ZFP69B: variants seen among roughly 807,000 people sequenced by gnomAD.
ZFP69B encodes zinc finger protein 69 homolog B.
ZFP69B carries 20 observed loss-of-function variants against 19.7 expected under a neutral mutation model. The observed-to-expected ratio is 1.02, with a 90% CI of 0.71 to 1.48. ZFP69B has a LOEUF of 1.48. Ranked by LOEUF, ZFP69B falls within the 40% of genes most tolerant of loss-of-function variation. The pLI is 0.00. For synonymous variants in ZFP69B, 220 were observed against 222.7 expected, an observed-to-expected ratio of 0.99 and a Z score of 0.11; for missense variants, 583 against 632.6, an observed-to-expected ratio of 0.92 and a Z score of 0.84.
rs116091241 is a variant in ZFP69B at position 40,462,736 on chromosome 1, G to A, written c.752G>A (p.Arg251His). Residue 251 changes from arginine (R) to histidine (H), a missense_variant, in exon 5 of 5, where the codon CGT (arginine) becomes CAT (histidine). Arg to His is a conservative substitution (Grantham distance 29, BLOSUM62 0). Coordinates refer to ENST00000361584, the MANE Select transcript of ZFP69B (RefSeq NM_023070.3). Reference sequence around the variant, plus strand: ...ATAGGTCTTCCAAGAAAAAGAGATCGTAAATATGACACACCTGGAAAGAGA... The same window carrying A: ...ATAGGTCTTCCAAGAAAAAGAGATCATAAATATGACACACCTGGAAAGAGA... ...GPIGLPRKRD[R>H]KYDTPGKRSR... The A allele has an allele frequency of 6.1e-3, 9,766 of 1,614,044 alleles. 38 individuals carry two copies. Among genetic ancestry groups the A allele is most frequent in the Non-Finnish European group, 7.4e-3 (8,731 of 1,179,980 alleles).
intron 2 of ZFP69B, 21 bp downstream of exon 2, chr1:40,454,309 ACTTT>A: frequency 2.0e-6 from 3 of 1,518,362 alleles, no homozygotes; most frequent in Non-Finnish European, 2.7e-6. Flanking sequence ...GTTTCTGGTC[ACTTT>A]CTTGACATTG....
chr1:40,453,184 C>G (rs1645201884), intron 1 of ZFP69B, among the ~76,000 whole-genome samples: 1 of 152,054 alleles, frequency 6.6e-6, no homozygotes. Flanking sequence ...TGGTCTCCAA[C>G]TCCTGACCTC....
chr1:40,455,874 G>A (rs1217673111), intron 2 of ZFP69B, among the ~76,000 whole-genome samples: 1 of 152,108 alleles, frequency 6.6e-6, no homozygotes, highest in African/African-American at 2.4e-5. Context: ...TTCTGTTCCT[G>A]TGTTAGTTTG....
chr1:40,461,840 C>T (rs935116489), intron 4 of ZFP69B, among the ~76,000 whole-genome samples: 5 of 152,118 alleles, frequency 3.3e-5, no homozygotes, highest in African/African-American at 1.2e-4. Flanking sequence ...GATATTTGCT[C>T]TTATTGTCTT....
At position 40,456,976 on chromosome 1, in the gene ZFP69B, A is replaced by G; in HGVS notation, c.245A>G (p.Asp82Gly). The change falls in exon 3 of 5, where the codon GAC becomes GGC. Residue 82 changes from aspartate (D) to glycine (G), a missense_variant. Transcript: ENST00000361584. ...ELLTFKDVSV[D>G]FTQEEWGQLA... Reference sequence around the variant, plus strand: ...TTAACCTTCAAGGACGTATCTGTGGACTTCACTCAGGAGGAGTGGGGGCAG... The same window carrying G: ...TTAACCTTCAAGGACGTATCTGTGGGCTTCACTCAGGAGGAGTGGGGGCAG... The G allele has an allele frequency of 6.2e-7, 1 of 1,614,106 alleles. No homozygotes were observed. The highest frequency in any genetic ancestry group is 1.1e-5 in the South Asian group (1 of 91,066).
At chr1:40,457,632 C>A (rs1470356890) in intron 4 of ZFP69B, among the ~76,000 whole-genome samples, 193 bp downstream of exon 4, 6 of 152,178 alleles carry the variant, frequency 3.9e-5, no homozygotes, top group Non-Finnish European at 8.8e-5. Flanking sequence ...AAAGAGATGC[C>A]TTTCTCATCA....
Position 40,462,871 on chromosome 1 carries a change from AACAC to A in ZFP69B, c.889_892del (p.His297Ter), listed in dbSNP as rs1645302728. The A allele has an allele frequency of 6.2e-7, 1 of 1,614,194 alleles. No individual in the cohort carries two copies. Among genetic ancestry groups the A allele is most frequent in the East Asian group, 2.2e-5 (1 of 44,880 alleles). On this transcript the variant is annotated frameshift_variant, in exon 5 of 5. Transcript: ENST00000361584. LOFTEE classifies it low-confidence loss of function (END_TRUNC). ...TTCAAACAGCTTATTCACCTTACTG[AACAC>A]ATGAGAATTCATACCGGGGAGAAAC...
chr1:40,457,505 A>G (rs1306005882), intron 4 of ZFP69B, 66 bp downstream of exon 4: 3 of 1,372,542 alleles, frequency 2.2e-6, no homozygotes, highest in Non-Finnish European at 3.1e-6. Context: ...GCCTTCTCCA[A>G]GTTGTGGGGA....
chr1:40,460,721 G>A (rs942226665), intron 4 of ZFP69B, among the ~76,000 whole-genome samples: 3 of 152,050 alleles, frequency 2.0e-5, no homozygotes, highest in Admixed American at 2.0e-4. Flanking sequence ...AGTGGCTTAA[G>A]CCTGTAATCC....
chr1:40,457,228 T>C (rs770247074), intron 3 of ZFP69B, 116 bp from the exon 4 acceptor site: 20 of 1,477,652 alleles, frequency 1.4e-5, no homozygotes, highest in Non-Finnish European at 1.8e-5. Context: ...TTCTGCTCTG[T>C]TCTTTCTACT....
At chr1:40,457,205 T>C (rs1174736826) in intron 3 of ZFP69B, 134 bp downstream of exon 3, 1 of 1,498,822 alleles carries the variant, frequency 6.7e-7, no homozygotes, top group Admixed American at 1.9e-5. Flanking sequence ...CCAGTCAGGA[T>C]TGCTATGCTC....
chr1:40,450,868 C>A lies in ZFP69B; in HGVS notation c.-94C>A. 7.4e-7 allele frequency: 1 copy of A among 1,353,938 alleles called. No homozygotes were observed. The highest frequency in any genetic ancestry group is 9.6e-7 in the Non-Finnish European group (1 of 1,036,300). The allele number at this position is 1,353,938 out of a possible 1,614,324, so 83.9% of individuals were successfully genotyped here. On this transcript the variant is annotated 5_prime_UTR_variant, in exon 1 of 5. Transcript: ENST00000361584. The stretch of plus-strand genomic sequence containing the variant: ...AAGGAGATCGGTACAATTGGGAAGC[C>A]TCCTGTCAGAGCTTCCAGCAATTTC...
At position 40,451,680 on chromosome 1, in the gene ZFP69B, A is replaced by C. The variant is rs544249132; in HGVS notation, c.127+592A>C. Among the ~76,000 whole-genome samples, 34 of 151,740 alleles carry C rather than the reference A, an allele frequency of 2.2e-4. No individual in the cohort carries two copies. In the South Asian group the frequency reaches 7.1e-3, roughly 32 times the overall value. On this transcript the variant is annotated intron_variant, in intron 1 of 4. Transcript: ENST00000361584. ...GGGGGGGGGGAATTCATTTGCAAACATTGGAGGTAATTAATACACTGATTC... is the reference window on the plus strand; with the variant it reads ...GGGGGGGGGGAATTCATTTGCAAACCTTGGAGGTAATTAATACACTGATTC...
At chr1:40,456,694 CTG>C (rs1645236676) in intron 2 of ZFP69B, among the ~76,000 whole-genome samples, 2 of 152,366 alleles carry the variant, frequency 1.3e-5, no homozygotes, top group South Asian at 4.1e-4. Flanking sequence ...TTACTGTACA[CTG>C]TACTGTGACC....
intron 1 of ZFP69B, 122 bp from the exon 2 acceptor site, chr1:40,454,081 G>A (rs1387260442): frequency 1.1e-5 from 6 of 557,098 alleles, no homozygotes; most frequent in South Asian, 5.1e-5. Flanking sequence ...TCTTGAGTCC[G>A]TCTAAATGTC....
chr1:40,456,949 T>G lies in ZFP69B; in HGVS notation c.218T>G (p.Leu73Arg). ...LGSLTAESQE[L>R]LTFKDVSVDF... is the part of the protein sequence containing the mutation. ...GGAACGTATTTGATGTTCTAGGAAC[T>G]GTTAACCTTCAAGGACGTATCTGTG... The change falls in exon 3 of 5, where the codon CTG becomes CGG. Residue 73 changes from leucine (L) to arginine (R), a missense_variant. Coordinates refer to ENST00000361584, the MANE Select transcript of ZFP69B (RefSeq NM_023070.3). The G allele has an allele frequency of 1.2e-6, 2 of 1,613,574 alleles. No individual in the cohort carries two copies. Among genetic ancestry groups the G allele is most frequent in the Non-Finnish European group, 1.7e-6 (2 of 1,179,734 alleles).
Position 40,457,029 on chromosome 1 carries a change from C to T in ZFP69B, c.298C>T (p.Arg100Trp), listed in dbSNP as rs368207124. 3.0e-5 allele frequency: 49 copies of T among 1,612,044 alleles called. No homozygotes were observed. In the African/African-American group the frequency reaches 3.1e-4, roughly 10 times the overall value. Residue 100 changes from arginine to tryptophan, a missense_variant, in exon 3 of 5, where the codon CGG becomes TGG. By Grantham distance (101) the Arg-to-Trp change is moderately radical (BLOSUM62 -3). Transcript: ENST00000361584. ...QLAPAHRNLY[R>W]EVMLENYGNL... ...GGCCCCTGCTCACCGGAATCTGTAC[C>T]GGGAGGTGATGCTGGAGAACTATGG...
rs1645176857 is a variant in ZFP69B at position 40,450,690 on chromosome 1, G to C, written c.-272G>C. 4.0e-6 allele frequency: 1 copy of C among 247,886 alleles called. No homozygotes were observed. The highest frequency in any genetic ancestry group is 5.4e-5 in the Admixed American group (1 of 18,554). The allele number at this position is 247,886 out of a possible 1,614,324, so 15.4% of individuals were successfully genotyped here. ...GGGCTGCTGAGAGTAAATACTTGGC[G>C]CCTCCAGCTGCTGGCCAAGGAGACA... On this transcript the variant is annotated 5_prime_UTR_variant, in exon 1 of 5. Coordinates refer to ENST00000361584, the MANE Select transcript of ZFP69B (RefSeq NM_023070.3).
Position 40,463,056 on chromosome 1 carries a change from A to G in ZFP69B, c.1072A>G (p.Thr358Ala), listed in dbSNP as rs752192494. 6.2e-6 allele frequency: 10 copies of G among 1,614,198 alleles called. No homozygotes were observed. The highest frequency in any genetic ancestry group is 6.8e-6 in the Non-Finnish European group (8 of 1,180,034). The stretch of plus-strand genomic sequence containing the variant: ...GCTTACTCAACATGTTAGAATTCAT[A>G]CCGGGGAAAAGCCCTATGAATGTAG... ...SSLTQHVRIHTGEKPYECRVC... is the reference protein window; with the variant it reads ...SSLTQHVRIHAGEKPYECRVC... Residue 358 changes from threonine to alanine, a missense_variant, in exon 5 of 5, where the codon ACC (threonine) becomes GCC (alanine). By Grantham distance (58) the Thr-to-Ala change is moderately conservative (BLOSUM62 0). Transcript: ENST00000361584.
Sources: gnomAD v4.1 joint callset for allele counts (sites outside exome capture counted in the v4.1 genomes callset) on GRCh38, gnomAD v4.1.1 for gene constraint, MANE v1.5 for transcripts, NCBI Gene and HGNC (gene_info 2026-07-23, HGNC 2026-07-21) for gene names.